The following LOC128092253 variants were observed in gnomAD, a reference collection of about 807,000 sequenced individuals.
the LOC128092253 span, among the ~76,000 whole-genome samples, chr6:133,961,304 A>G: frequency 6.6e-6 from 1 of 152,128 alleles, no homozygotes; most frequent in African/African-American, 2.4e-5. Flanking sequence ...TAAATTAAAC[A>G]GTTATCTTCA....
chr6:133,973,098 GAGACTGTCAA>G, the LOC128092253 span, among the ~76,000 whole-genome samples: 2 of 152,322 alleles, frequency 1.3e-5, no homozygotes, highest in East Asian at 3.9e-4. Flanking sequence ...CATGTGTTGA[GAGACTGTCAA>G]GTAATGTGTT....
the LOC128092253 span, among the ~76,000 whole-genome samples, chr6:133,967,794 C>T: frequency 6.6e-6 from 1 of 152,148 alleles, no homozygotes; most frequent in African/African-American, 2.4e-5. Flanking sequence ...CATTAGTATT[C>T]AAGGAAAATC....
At chr6:133,961,617 A>C in the LOC128092253 span, among the ~76,000 whole-genome samples, 2 of 151,872 alleles carry the variant, frequency 1.3e-5, no homozygotes, top group Admixed American at 6.6e-5. Context: ...ACAGGTGCAC[A>C]TCACCATGCC....
the LOC128092253 span, among the ~76,000 whole-genome samples, chr6:133,974,755 C>G: frequency 6.6e-6 from 1 of 152,204 alleles, no homozygotes; most frequent in African/African-American, 2.4e-5. Context: ...TAAGAGAACA[C>G]AGATTTACTC....
At chr6:133,955,232 T>C in the LOC128092253 span, among the ~76,000 whole-genome samples, 21,549 of 147,774 alleles carry the variant, frequency 0.15, 2,036 homozygotes, top group African/African-American at 0.27. Context: ...TTGACCCAGA[T>C]CTAGTTTGCC....
the LOC128092253 span, among the ~76,000 whole-genome samples, chr6:133,974,188 T>G: frequency 2.6e-5 from 4 of 152,208 alleles, no homozygotes; most frequent in Non-Finnish European, 4.4e-5. Flanking sequence ...TCTCTACATC[T>G]GTCTAGCTTT....
At chr6:133,971,878 G>A in the LOC128092253 span, among the ~76,000 whole-genome samples, 3 of 152,000 alleles carry the variant, frequency 2.0e-5, no homozygotes, top group Admixed American at 2.0e-4. Flanking sequence ...TGTTCTGTGG[G>A]TTGGCTTTTC....
the LOC128092253 span, among the ~76,000 whole-genome samples, chr6:133,973,660 C>T: frequency 6.6e-6 from 1 of 152,178 alleles, no homozygotes; most frequent in South Asian, 2.1e-4. Context: ...ACCAAAAATA[C>T]AGATGATGTG....
chr6:133,975,151 A>G, the LOC128092253 span, among the ~76,000 whole-genome samples: 1 of 152,160 alleles, frequency 6.6e-6, no homozygotes, highest in Non-Finnish European at 1.5e-5. Flanking sequence ...TTGTTCTGAG[A>G]AGAAACCAAA....
chr6:133,956,312 T>C, the LOC128092253 span, among the ~76,000 whole-genome samples: 1 of 152,230 alleles, frequency 6.6e-6, no homozygotes, highest in Non-Finnish European at 1.5e-5. Context: ...TAAATCCATT[T>C]TGTTGTGCCT....
At chr6:133,972,708 TTTTC>T in the LOC128092253 span, among the ~76,000 whole-genome samples, 5 of 148,254 alleles carry the variant, frequency 3.4e-5, no homozygotes, top group African/African-American at 9.8e-5. Flanking sequence ...TTGTTTGTTT[TTTTC>T]CCCTCATCTG....
At chr6:133,975,305 A>G in the LOC128092253 span, among the ~76,000 whole-genome samples, 1 of 152,280 alleles carries the variant, frequency 6.6e-6, no homozygotes, top group East Asian at 1.9e-4. Context: ...TAAATTTTAA[A>G]ATTTAGAAGA....
the LOC128092253 span, among the ~76,000 whole-genome samples, chr6:133,960,080 A>G: frequency 1.3e-5 from 2 of 152,186 alleles, no homozygotes; most frequent in Admixed American, 6.5e-5. Context: ...GGGCATTTCC[A>G]GTGACTTGTG....
At chr6:133,959,157 A>AG in the LOC128092253 span, among the ~76,000 whole-genome samples, 7 of 152,114 alleles carry the variant, frequency 4.6e-5, no homozygotes, top group African/African-American at 1.7e-4. Context: ...CTTGTGCCTC[A>AG]GACACCCAAG....
chr6:133,968,002 G>A, the LOC128092253 span, among the ~76,000 whole-genome samples: 1 of 151,544 alleles, frequency 6.6e-6, no homozygotes, highest in East Asian at 1.9e-4. Context: ...GATTATGGGT[G>A]ACTATTTTCT....
chr6:133,960,555 C>T, the LOC128092253 span, among the ~76,000 whole-genome samples: 2 of 151,980 alleles, frequency 1.3e-5, no homozygotes, highest in Non-Finnish European at 2.9e-5. Flanking sequence ...ATTTAGAATG[C>T]ATGCCTCTTG....
chr6:133,955,050 A>G, the LOC128092253 span, among the ~76,000 whole-genome samples: 1 of 152,108 alleles, frequency 6.6e-6, no homozygotes, highest in African/African-American at 2.4e-5. Context: ...CATTAAGAAG[A>G]AAAAGATAGA....
chr6:133,955,182 A>G, the LOC128092253 span, among the ~76,000 whole-genome samples: 1 of 150,170 alleles, frequency 6.7e-6, no homozygotes, highest in African/African-American at 2.5e-5. Flanking sequence ...ATGAGACTTG[A>G]CGAAGTGTCC....
the LOC128092253 span, among the ~76,000 whole-genome samples, chr6:133,964,402 A>T: frequency 6.6e-6 from 1 of 150,780 alleles, no homozygotes; most frequent in Admixed American, 6.6e-5. Context: ...TAAACCAGAA[A>T]TGTTTGAACT....
Sources: gnomAD v4.1 joint callset for allele counts (sites outside exome capture counted in the v4.1 genomes callset) on GRCh38, gnomAD v4.1.1 for gene constraint, MANE v1.5 for transcripts.